The following DSPP variants were observed in gnomAD, a reference collection of about 807,000 sequenced individuals.
The protein encoded by DSPP is dentin sialophosphoprotein.
A neutral mutation model predicts 29.1 loss-of-function variants in DSPP; 28 were observed. That is an observed-to-expected ratio of 0.96 (90% CI 0.71 to 1.32). DSPP has a LOEUF of 1.32. Ranked by LOEUF, DSPP falls within the 40% of genes most tolerant of loss-of-function variation. DSPP has a pLI of 0.00. For synonymous variants in DSPP, 481 were observed against 503.4 expected (o/e 0.96, Z 0.60); for missense variants, 1,281 against 1,629.9 (o/e 0.79, Z 3.69).
rs1560481256 is a variant in DSPP at position 87,616,361 on chromosome 4, AAGCAGCGACAGCAGTGAC to A, written c.3708_3725del (p.Asp1242_Ser1247del). 7.7e-7 allele frequency: 1 copy of A among 1,303,658 alleles called. No individual in the cohort carries two copies. The highest frequency in any genetic ancestry group is 2.9e-5 in the East Asian group (1 of 34,014). The allele number at this position is 1,303,658 out of a possible 1,614,324, so 80.8% of individuals were successfully genotyped here. On this transcript the variant is annotated inframe_deletion, in exon 5 of 5. Coordinates refer to ENST00000651931, the MANE Select transcript of DSPP (RefSeq NM_014208.3). Reference sequence around the variant, plus strand: ...GCAGCGACAGCAGTGACAGCAATGAAAGCAGCGACAGCAGTGACAGCAGCGATAGCAGTGACAGCAGCA... The same window carrying A: ...GCAGCGACAGCAGTGACAGCAATGAAAGCAGCGATAGCAGTGACAGCAGCA...
chr4:87,612,621 T>G lies in DSPP; in HGVS notation c.435T>G (p.Asn145Lys). The change falls in exon 4 of 5, where the codon AAT (asparagine) becomes AAG (lysine). Residue 145 changes from asparagine (N) to lysine (K), a missense_variant. Physicochemically the swap from Asn to Lys is moderately conservative, Grantham distance 94. This residue lies in a region of DSPP where 631 missense variants were observed against 643.2 expected (regional missense o/e 0.98). Transcript: ENST00000651931. The part of the protein sequence containing the change: ...GIQGQVSIID[N>K]AGATNRSNTN... ...AGGGACAAGTAAGCATCATTGACAA[T>G]GCTGGAGCCACAAACAGAAGCAACA... The G allele has an allele frequency of 6.2e-7, 1 of 1,614,078 alleles. No homozygotes were observed. The highest frequency in any genetic ancestry group is 8.5e-7 in the Non-Finnish European group (1 of 1,179,980).
Position 87,612,342 on chromosome 4 carries a change from A to T in DSPP, c.156A>T (p.Gly52=), listed in dbSNP as rs776482978. The change falls in exon 4 of 5, where the codon GGA becomes GGT. Residue 52 remains glycine, a synonymous_variant. Transcript: ENST00000651931. ...VSVQDELNAS[G]TIKESGVLVH... The stretch of plus-strand genomic sequence containing the variant: ...TTCAGGATGAGTTAAATGCCAGTGG[A>T]ACCATCAAAGAAAGTGGTGTCCTGG... The T allele has an allele frequency of 6.2e-7, 1 of 1,614,140 alleles. No individual in the cohort carries two copies. The highest frequency in any genetic ancestry group is 1.1e-5 in the South Asian group (1 of 91,066).
chr4:87,616,681 A>C lies in DSPP; in HGVS notation c.*113A>C. The C allele has an allele frequency of 6.6e-7, 1 of 1,505,236 alleles. No homozygotes were observed. Among genetic ancestry groups the C allele is most frequent in the Non-Finnish European group, 9.0e-7 (1 of 1,110,744 alleles). The allele number at this position is 1,505,236 out of a possible 1,614,324, so 93.2% of individuals were successfully genotyped here. ...GAGAAATAAACATAAGACGTATGTA[A>C]ACAAAAACAACTGGGGGAATCAAAT... On this transcript the variant is annotated 3_prime_UTR_variant, in exon 5 of 5. Coordinates refer to ENST00000651931, the MANE Select transcript of DSPP (RefSeq NM_014208.3).
At chr4:87,611,156 G>A (rs895314806) in intron 2 of DSPP, among the ~76,000 whole-genome samples, 197 bp downstream of exon 2, 1 of 151,448 alleles carries the variant, frequency 6.6e-6, no homozygotes, top group African/African-American at 2.4e-5. Context: ...TGCACTAAGG[G>A]CTTTATGTGA....
At position 87,615,738 on chromosome 4, in the gene DSPP, GACAGCAGCA is replaced by G. The variant is rs747474044; in HGVS notation, c.3084_3092del (p.Asn1029_Ser1031del). On this transcript the variant is annotated inframe_deletion, in exon 5 of 5. Transcript: ENST00000651931. ...TAGTAGTGACAGCAGCAATAGCAGTGACAGCAGCAACAGCAGTGACAGCAGCGATAGCAG... is the reference window on the plus strand; with the variant it reads ...TAGTAGTGACAGCAGCAATAGCAGTGACAGCAGTGACAGCAGCGATAGCAG... 2.7e-4 allele frequency: 215 copies of G among 786,068 alleles called. No homozygotes were observed. The highest frequency in any genetic ancestry group is 6.7e-5 in the Non-Finnish European group (38 of 566,554). The allele number at this position is 786,068 out of a possible 1,614,324, so 48.7% of individuals were successfully genotyped here.
rs370963603 is a variant in DSPP at position 87,615,535 on chromosome 4, A to C, written c.2873A>C (p.Asn958Thr). 41 of 1,549,846 alleles carry C rather than the reference A, an allele frequency of 2.6e-5. No homozygotes were observed. Among genetic ancestry groups the C allele is most frequent in the Non-Finnish European group, 3.5e-5 (40 of 1,146,078 alleles). ...AGCAGTAATAGTAGTGACAGCAGCA[A>C]TAGCAGTGACAGCAGCAACAGCAGT... ...SDSSNSSDSS[N>T]SSDSSNSSDS... is the part of the protein sequence containing the mutation. Residue 958 changes from asparagine to threonine, a missense_variant, in exon 5 of 5, where the codon AAT becomes ACT. Asn to Thr is a moderately conservative substitution (Grantham distance 65). Transcript: ENST00000651931.
Position 87,616,566 on chromosome 4 carries a change from T to C in DSPP, c.3904T>C (p.Ter1302GlnextTer18), listed in dbSNP as rs772395007. Residue 1302 changes from the stop codon to glutamine (Q), a stop_lost, in exon 5 of 5, where the codon TAG becomes CAG. Transcript: ENST00000651931. ...CAGTAACCACTCAACCAGTGATGAT[T>C]AGAACAAAAGAAAAACCCGTAAGAT... ...SDSNHSTSDD[*>Q] 2.0e-5 allele frequency: 31 copies of C among 1,551,736 alleles called. No homozygotes were observed. The African/African-American group carries it at 2.9e-4, about 14-fold the overall frequency.
chr4:87,612,449 T>A lies in DSPP; in HGVS notation c.263T>A (p.Val88Glu), dbSNP rs776479910. 6.8e-6 allele frequency: 11 copies of A among 1,613,490 alleles called. No homozygotes were observed. The highest frequency in any genetic ancestry group is 9.3e-6 in the Non-Finnish European group (11 of 1,179,804). Residue 88 changes from valine (V) to glutamate (E), a missense_variant, in exon 4 of 5, where the codon GTA (valine) becomes GAA (glutamate). By Grantham distance (121) the Val-to-Glu change is moderately radical. Coordinates refer to ENST00000651931, the MANE Select transcript of DSPP (RefSeq NM_014208.3). ...GGGAATGGCTCTAAGTGGGCAGAAGTAGGAGGGAAGAGTTTTTCTACATAT... is the reference window on the plus strand; with the variant it reads ...GGGAATGGCTCTAAGTGGGCAGAAGAAGGAGGGAAGAGTTTTTCTACATAT... ...GEGNGSKWAE[V>E]GGKSFSTYST... is the part of the protein sequence containing the mutation.
rs1727822690 is a variant in DSPP, at chr4:87,614,696, C to CAGTAGCAGTGACAGCAGT, written c.2051_2052insTAGTAGCAGTGACAGCAG (p.Ser679_Ser684dup). 1 of 1,538,976 alleles carries CAGTAGCAGTGACAGCAGT rather than the reference C, an allele frequency of 6.5e-7. No homozygotes were observed. The highest frequency in any genetic ancestry group is 2.0e-5 in the Admixed American group (1 of 50,308). ...ACAGCAGTGATAGCAGTGACAGCAGCAGTAGCAGTGACAGCAGCAACAGCA... is the reference window on the plus strand; with the variant it reads ...ACAGCAGTGATAGCAGTGACAGCAGCAGTAGCAGTGACAGCAGTAGTAGCAGTGACAGCAGCAACAGCA... On this transcript the variant is annotated inframe_insertion, in exon 5 of 5. Coordinates refer to ENST00000651931, the MANE Select transcript of DSPP (RefSeq NM_014208.3).
chr4:87,610,883 A>G lies in DSPP; in HGVS notation c.-26A>G. ...TGTGCTGTTCCTTTTTTATACAGCCATTGATTATTATTATTCCTAAAGAAA... is the reference window on the plus strand; with the variant it reads ...TGTGCTGTTCCTTTTTTATACAGCCGTTGATTATTATTATTCCTAAAGAAA... On this transcript the variant is annotated splice_region_variant and 5_prime_UTR_variant, in exon 2 of 5. Transcript: ENST00000651931. The G allele has an allele frequency of 1.3e-6, 2 of 1,595,648 alleles. No homozygotes were observed. The highest frequency in any genetic ancestry group is 2.2e-5 in the East Asian group (1 of 44,782).
chr4:87,608,675 T>C (rs1027192004), intron 1 of DSPP, 55 bp downstream of exon 1: 2 of 152,182 alleles, frequency 1.3e-5, no homozygotes, highest in Non-Finnish European at 2.9e-5. Context: ...AGAAAGAACT[T>C]TGAATTTCAA....
chr4:87,611,443 CAG>C (rs1238278334), intron 2 of DSPP, among the ~76,000 whole-genome samples: 3 of 151,784 alleles, frequency 2.0e-5, no homozygotes, highest in Non-Finnish European at 4.4e-5. Context: ...ATTTTTCACT[CAG>C]AGTTATTATT....
Position 87,613,954 on chromosome 4 carries a change from A to C in DSPP, c.1292A>C (p.Glu431Ala). 6.2e-7 allele frequency: 1 copy of C among 1,614,248 alleles called. No homozygotes were observed. The highest frequency in any genetic ancestry group is 8.5e-7 in the Non-Finnish European group (1 of 1,180,042). The stretch of plus-strand genomic sequence containing the variant: ...ATAGAAGGACCTGGCCAAAAATCAG[A>C]ACCAGGAAATAAAGTTGGACACAGC... The part of the protein sequence containing the change: ...VNIEGPGQKS[E>A]PGNKVGHSNT... Residue 431 changes from glutamate (E) to alanine (A), a missense_variant, in exon 5 of 5, where the codon GAA (glutamate) becomes GCA (alanine). By Grantham distance (107) the Glu-to-Ala change is moderately radical. Coordinates refer to ENST00000651931, the MANE Select transcript of DSPP (RefSeq NM_014208.3).
chr4:87,608,766 A>C (rs1727681417), intron 1 of DSPP, 146 bp downstream of exon 1: 1 of 152,206 alleles, frequency 6.6e-6, no homozygotes, highest in South Asian at 2.1e-4. Context: ...TGTCATATTG[A>C]TAGTATGTAT....
At position 87,615,924 on chromosome 4, in the gene DSPP, AGTGACAGC is replaced by A; in HGVS notation, c.3263_3270del (p.Ser1088LysfsTer3). ...TGATAGCAGTGAAAGCAGTGATAGC[AGTGACAGC>A]AGCAATAGCAGTGACAGCAGCGATA... On this transcript the variant is annotated frameshift_variant, in exon 5 of 5. Coordinates refer to ENST00000651931, the MANE Select transcript of DSPP (RefSeq NM_014208.3). LOFTEE classifies it low-confidence loss of function (END_TRUNC). 3 of 255,288 alleles carry A rather than the reference AGTGACAGC, an allele frequency of 1.2e-5. No homozygotes were observed. The highest frequency in any genetic ancestry group is 1.7e-4 in the African/African-American group (1 of 5,944). The allele number at this position is 255,288 out of a possible 1,614,324, so 15.8% of individuals were successfully genotyped here. A position where few individuals can be genotyped will look rare whatever the true frequency, so the allele number is the denominator to read the frequency against.
At position 87,615,163 on chromosome 4, in the gene DSPP, ATAGCAGCAACAGCAGTG is replaced by A. The variant is rs1293551243; in HGVS notation, c.2502_2518del (p.Asp834GlufsTer2). On this transcript the variant is annotated frameshift_variant, in exon 5 of 5. Transcript: ENST00000651931. LOFTEE classifies it low-confidence loss of function (END_TRUNC). Reference sequence around the variant, plus strand: ...AGCAGTAATAGTAGTGACAGCAGCGATAGCAGCAACAGCAGTGATAGCAGCGACAGCAGCGATAGCAG... The same window carrying A: ...AGCAGTAATAGTAGTGACAGCAGCGAATAGCAGCGACAGCAGCGATAGCAG... 8 of 1,529,994 alleles carry A rather than the reference ATAGCAGCAACAGCAGTG, an allele frequency of 5.2e-6. No individual in the cohort carries two copies. In the Admixed American group the frequency reaches 1.6e-4, roughly 31 times the overall value. The allele number at this position is 1,529,994 out of a possible 1,614,324, so 94.8% of individuals were successfully genotyped here.
Position 87,612,392 on chromosome 4 carries a change from A to G in DSPP, c.206A>G (p.Gln69Arg). 6.2e-7 allele frequency: 1 copy of G among 1,614,120 alleles called. No individual in the cohort carries two copies. The highest frequency in any genetic ancestry group is 8.5e-7 in the Non-Finnish European group (1 of 1,180,000). The stretch of plus-strand genomic sequence containing the variant: ...GTGCATGAAGGTGATAGAGGAAGGC[A>G]AGAGAATACCCAAGATGGTCACAAG... The part of the protein sequence containing the change: ...VLVHEGDRGR[Q>R]ENTQDGHKGE... The change falls in exon 4 of 5, where the codon CAA (glutamine) becomes CGA (arginine). Residue 69 changes from glutamine (Q) to arginine (R), a missense_variant. Transcript: ENST00000651931.
In DSPP at chr4:87,615,698, C is replaced by A; in HGVS notation, c.3036C>A (p.Ser1012Arg). Residue 1012 changes from serine (S) to arginine (R), a missense_variant, in exon 5 of 5, where the codon AGC (serine) becomes AGA (arginine). This residue lies in a region of DSPP where 72 missense variants were observed against 190.3 expected (regional missense o/e 0.38). Coordinates refer to ENST00000651931, the MANE Select transcript of DSPP (RefSeq NM_014208.3). ...GTGATAGCAGTGACAGCAGTGACAG[C>A]AGTGATAGCAGTAATAGTAGTGACA... ...NSSDSSDSSDSSDSSNSSDSS... is the reference protein window; with the variant it reads ...NSSDSSDSSDRSDSSNSSDSS... 6.5e-7 allele frequency: 1 copy of A among 1,533,384 alleles called. No individual in the cohort carries two copies. The highest frequency in any genetic ancestry group is 8.8e-7 in the Non-Finnish European group (1 of 1,137,326). 95.0% of individuals were successfully genotyped at this position (1,533,384 alleles called of 1,614,324 possible). A position where few individuals can be genotyped will look rare whatever the true frequency, so the allele number is the denominator to read the frequency against.
rs1160879708 is a variant in DSPP, at chr4:87,614,899, G to T, written c.2237G>T (p.Ser746Ile). ...AGCAACAGCAGTGACAGCAGTGATAGCAGTGACAGCAGCAACAGCAGTGAC... is the reference window on the plus strand; with the variant it reads ...AGCAACAGCAGTGACAGCAGTGATATCAGTGACAGCAGCAACAGCAGTGAC... ...DSSNSSDSSD[S>I]SDSSNSSDSS... The change falls in exon 5 of 5, where the codon AGC (serine) becomes ATC (isoleucine). Residue 746 changes from serine (S) to isoleucine (I), a missense_variant. By Grantham distance (142) the Ser-to-Ile change is moderately radical. Around this residue, in one of 4 missense-constraint regions of DSPP, gnomAD observed 444 missense variants for 611.4 expected, o/e 0.73. Coordinates refer to ENST00000651931, the MANE Select transcript of DSPP (RefSeq NM_014208.3). The T allele has an allele frequency of 3.2e-6, 5 of 1,550,594 alleles. No homozygotes were observed. In the East Asian group the frequency reaches 1.2e-4, roughly 38 times the overall value.
Sources: gnomAD v4.1 joint callset for allele counts (sites outside exome capture counted in the v4.1 genomes callset) on GRCh38, gnomAD v4.1.1 for gene constraint, gnomAD v4.1.1 regional missense constraint, MANE v1.5 for transcripts, NCBI Gene and HGNC (gene_info 2026-07-23, HGNC 2026-07-21) for gene names.